The following HSD17B2 variants were observed in gnomAD, a reference collection of about 807,000 sequenced individuals.
The protein encoded by HSD17B2 is hydroxysteroid 17-beta dehydrogenase 2, also known as 17-beta-hydroxysteroid dehydrogenase type 2.
In HSD17B2, 32 loss-of-function variants were observed where a neutral mutation model predicts 26.9. The ratio of observed to expected loss-of-function variants is 1.19; its 90% CI spans 0.90 to 1.60. The LOEUF is 1.60. HSD17B2 is among the 40% of genes most tolerant of loss of function. The probability of loss-of-function intolerance (pLI) is 0.00; values close to 1 mark genes in which losing one functional copy is unlikely to be tolerated. For missense variants in HSD17B2, 613 were observed against 468.6 expected (o/e 1.31, Z -2.85); for synonymous variants, 246 against 186.7 (o/e 1.32, Z -2.59).
chr16:82,046,064 C>A (rs1913917863), intron 1 of HSD17B2, among the ~76,000 whole-genome samples: 1 of 152,196 alleles, frequency 6.6e-6, no homozygotes, highest in African/African-American at 2.4e-5. Context: ...GCGAAGGGTG[C>A]TGACTGGGAG....
chr16:82,074,910 G>C (rs979418534), intron 3 of HSD17B2, among the ~76,000 whole-genome samples: 1 of 152,164 alleles, frequency 6.6e-6, no homozygotes, highest in Admixed American at 6.5e-5. Flanking sequence ...TTCTTCTCCT[G>C]AGCACATGGA....
intron 1 of HSD17B2, among the ~76,000 whole-genome samples, chr16:82,057,928 T>C (rs887489466): frequency 2.0e-5 from 3 of 152,212 alleles, no homozygotes; most frequent in Admixed American, 2.0e-4. Context: ...AACAGGATCC[T>C]ACAGCAGAAA....
intron 2 of HSD17B2, among the ~76,000 whole-genome samples, chr16:82,069,009 A>G (rs900528624): frequency 6.6e-6 from 1 of 152,186 alleles, no homozygotes; most frequent in Non-Finnish European, 1.5e-5. Flanking sequence ...GCACAGATCC[A>G]GCCATCCTGT....
At chr16:82,043,309 T>G (rs993572499) in intron 1 of HSD17B2, among the ~76,000 whole-genome samples, 10 of 152,056 alleles carry the variant, frequency 6.6e-5, no homozygotes, top group African/African-American at 2.2e-4. Flanking sequence ...CCTGCCCTCC[T>G]TGTTTCAGGT....
intron 2 of HSD17B2, among the ~76,000 whole-genome samples, chr16:82,068,615 C>G (rs543977208): frequency 6.6e-6 from 1 of 152,328 alleles, no homozygotes; most frequent in East Asian, 1.9e-4. Flanking sequence ...CTCATTCTCT[C>G]CAACTTCTCA....
chr16:82,039,663 T>A (rs1382066308), intron 1 of HSD17B2, among the ~76,000 whole-genome samples: 6 of 152,212 alleles, frequency 3.9e-5, no homozygotes, highest in African/African-American at 1.4e-4. Context: ...AGGTTACACG[T>A]TGTCCTTCTC....
intron 1 of HSD17B2, among the ~76,000 whole-genome samples, chr16:82,042,294 C>A (rs1913788708): frequency 6.6e-6 from 1 of 152,120 alleles, no homozygotes; most frequent in Admixed American, 6.5e-5. Context: ...CATGAGTCAC[C>A]ACGCCCAGCC....
intron 1 of HSD17B2, among the ~76,000 whole-genome samples, chr16:82,055,047 T>G (rs946053770): frequency 1.4e-4 from 21 of 152,242 alleles, no homozygotes; most frequent in African/African-American, 4.8e-4. Flanking sequence ...CAGATGTCAG[T>G]AGCCCATCCC....
At chr16:82,046,606 C>A (rs1364412918) in intron 1 of HSD17B2, among the ~76,000 whole-genome samples, 1 of 151,822 alleles carries the variant, frequency 6.6e-6, no homozygotes, top group Non-Finnish European at 1.5e-5. Context: ...ACCTGTAATC[C>A]CAGCTACTCG....
intron 2 of HSD17B2, 73 bp from the exon 3 acceptor site, chr16:82,070,869 C>G: frequency 7.1e-7 from 1 of 1,406,084 alleles, no homozygotes; most frequent in Non-Finnish European, 9.9e-7. Context: ...CTTGCATGGT[C>G]TTCCAGGTAT....
chr16:82,067,898 A>G (rs766100999), intron 1 of HSD17B2, among the ~76,000 whole-genome samples: 1 of 152,166 alleles, frequency 6.6e-6, no homozygotes, highest in Admixed American at 6.5e-5. Flanking sequence ...CCACTCCTGG[A>G]CTACCCTTCC....
intron 2 of HSD17B2, among the ~76,000 whole-genome samples, chr16:82,069,393 G>C (rs1914646322): frequency 6.6e-6 from 1 of 152,182 alleles, no homozygotes; most frequent in Non-Finnish European, 1.5e-5. Context: ...ATGTATCTTT[G>C]TAATAGAATG....
At chr16:82,042,944 C>G (rs1913807379) in intron 1 of HSD17B2, among the ~76,000 whole-genome samples, 1 of 152,152 alleles carries the variant, frequency 6.6e-6, no homozygotes. Context: ...TTAAACAATC[C>G]CATAGATCAA....
At chr16:82,059,451 T>G (rs542813163) in intron 1 of HSD17B2, among the ~76,000 whole-genome samples, 47 of 152,346 alleles carry the variant, frequency 3.1e-4, no homozygotes, top group African/African-American at 1.1e-3. Context: ...TGAAGAGATC[T>G]CAGAAACTGT....
intron 2 of HSD17B2, among the ~76,000 whole-genome samples, chr16:82,068,945 G>T (rs1176248277): frequency 6.6e-6 from 1 of 152,112 alleles, no homozygotes. Flanking sequence ...TGGGTTACAC[G>T]TGCAGGATGT....
intron 1 of HSD17B2, among the ~76,000 whole-genome samples, chr16:82,064,127 T>C (rs904248012): frequency 7.2e-5 from 11 of 152,218 alleles, no homozygotes; most frequent in Non-Finnish European, 1.3e-4. Context: ...CTGTAGGCTC[T>C]TCCAAGGAAC....
At chr16:82,086,591 G>C (rs1904533966) in intron 3 of HSD17B2, among the ~76,000 whole-genome samples, 1 of 152,200 alleles carries the variant, frequency 6.6e-6, no homozygotes, top group African/African-American at 2.4e-5. Flanking sequence ...GCATTCGGGG[G>C]AATATGACTT....
At chr16:82,082,446 C>T (rs1904409376) in intron 3 of HSD17B2, among the ~76,000 whole-genome samples, 1 of 152,172 alleles carries the variant, frequency 6.6e-6, no homozygotes, top group African/African-American at 2.4e-5. Context: ...AAAATCCATT[C>T]ATCAGTTGAT....
intron 1 of HSD17B2, among the ~76,000 whole-genome samples, chr16:82,048,749 G>T (rs1481613499): frequency 1.3e-5 from 2 of 152,212 alleles, no homozygotes; most frequent in African/African-American, 4.8e-5. Context: ...GGTTAGAAAG[G>T]CAATTTACTT....
Sources: gnomAD v4.1 joint callset for allele counts (sites outside exome capture counted in the v4.1 genomes callset) on GRCh38, gnomAD v4.1.1 for gene constraint, MANE v1.5 for transcripts, NCBI Gene and HGNC (gene_info 2026-07-23, HGNC 2026-07-21) for gene names.